Variants in C1orf87 observed in about 807,000 individuals in gnomAD.
C1orf87 encodes the protein uncharacterized protein C1orf87.
A neutral mutation model predicts 60.5 loss-of-function variants in C1orf87; 58 were observed. The observed-to-expected ratio is 0.96, with a 90% CI of 0.78 to 1.19. The LOEUF is 1.19. Among genes scored for constraint, C1orf87 ranks in the 50% most tolerant of loss-of-function variants. The pLI, the probability that C1orf87 is intolerant of heterozygous loss-of-function variation, is 0.00. For synonymous variants in C1orf87, 236 were observed against 227.4 expected, an observed-to-expected ratio of 1.04 and a Z score of -0.34; for missense variants, 673 against 638.6, an observed-to-expected ratio of 1.05 and a Z score of -0.58.
intron 11 of C1orf87, among the ~76,000 whole-genome samples, chr1:59,993,967 C>A (rs1161500819): frequency 1.3e-5 from 2 of 152,028 alleles, no homozygotes; most frequent in Non-Finnish European, 2.9e-5. Flanking sequence ...CCATGTTGGC[C>A]AGGCTGGTCT....
At chr1:59,993,317 A>T (rs1408175520) in intron 11 of C1orf87, among the ~76,000 whole-genome samples, 2 of 152,162 alleles carry the variant, frequency 1.3e-5, no homozygotes, top group Admixed American at 6.5e-5. Context: ...AGAGGTAATT[A>T]AATTGTGTGA....
chr1:60,026,857 CG>C (rs1056173668), intron 7 of C1orf87, among the ~76,000 whole-genome samples: 2 of 152,136 alleles, frequency 1.3e-5, no homozygotes, highest in African/African-American at 4.8e-5. Flanking sequence ...ACACAAACCT[CG>C]TTTCATGCAC....
chr1:60,072,239 G>A (rs554885836), intron 2 of C1orf87, among the ~76,000 whole-genome samples: 7 of 152,254 alleles, frequency 4.6e-5, no homozygotes, highest in African/African-American at 1.7e-4. Context: ...TTACAAGCCC[G>A]ATGAGAAAAG....
At chr1:60,043,162 GGAGA>G (rs1645339119) in intron 3 of C1orf87, among the ~76,000 whole-genome samples, 1 of 152,152 alleles carries the variant, frequency 6.6e-6, no homozygotes, top group African/African-American at 2.4e-5. Context: ...AGATAAGCCT[GGAGA>G]GAGAGAGGCA....
intron 8 of C1orf87, among the ~76,000 whole-genome samples, chr1:60,025,045 A>G (rs1057362426): frequency 2.6e-5 from 4 of 152,218 alleles, no homozygotes; most frequent in Admixed American, 2.6e-4. Flanking sequence ...CAGAGGACAG[A>G]ATGAATAAAA....
chr1:60,068,967 T>C (rs1645566667), intron 2 of C1orf87, among the ~76,000 whole-genome samples: 2 of 152,214 alleles, frequency 1.3e-5, no homozygotes. Flanking sequence ...ATTATCTTTC[T>C]AGATTTTTAT....
chr1:60,021,472 C>G (rs887096005), intron 8 of C1orf87, among the ~76,000 whole-genome samples: 1 of 152,168 alleles, frequency 6.6e-6, no homozygotes, highest in Non-Finnish European at 1.5e-5. Context: ...GGAAGGCCTT[C>G]TTCAAGTTGC....
chr1:60,033,561 G>A lies in C1orf87; in HGVS notation c.944C>T (p.Thr315Ile), dbSNP rs1574311849. ...ATTGTCTATGTTGAGTCTGCCATTG[G>A]TTGTCCTTAGTGCCATCTTCAAAAT... is the stretch of plus-strand genomic sequence containing the variant. ...LEILKMALRT[T>I]NGRLNIDNLN... Residue 315 changes from threonine to isoleucine, a missense_variant, in exon 7 of 12, where the codon ACC (threonine) becomes ATC (isoleucine). Physicochemically the swap from Thr to Ile is moderately conservative, Grantham distance 89. Coordinates refer to ENST00000371201, the MANE Select transcript of C1orf87 (RefSeq NM_152377.3). 1 of 1,613,746 alleles carries A rather than the reference G, an allele frequency of 6.2e-7. No homozygotes were observed. The highest frequency in any genetic ancestry group is 2.2e-5 in the East Asian group (1 of 44,884).
At chr1:60,057,675 C>T (rs886973972) in intron 2 of C1orf87, among the ~76,000 whole-genome samples, 10 of 152,088 alleles carry the variant, frequency 6.6e-5, no homozygotes, top group Non-Finnish European at 7.4e-5. Context: ...CATTTGATGA[C>T]AAGATGTTGA....
rs199769102 is a variant in C1orf87 at position 59,997,646 on chromosome 1, C to T, written c.1443G>A (p.Leu481=). 12 of 1,613,890 alleles carry T rather than the reference C, an allele frequency of 7.4e-6. No individual in the cohort carries two copies. In the Admixed American group the frequency reaches 1.5e-4, roughly 20 times the overall value. The change falls in exon 11 of 12, where the codon CTG becomes CTA. Residue 481 remains leucine (L), a synonymous_variant. Transcript: ENST00000371201. ...GATCACACAGGTAGAGGGCATTTTCCAGCTTCCTGAACCTGTCTATCCACG... is the reference window on the plus strand; with the variant it reads ...GATCACACAGGTAGAGGGCATTTTCTAGCTTCCTGAACCTGTCTATCCACG... The part of the protein sequence containing the change: ...CETWIDRFRK[L]ENALYLCDLS...
Position 60,027,132 on chromosome 1 carries a change from C to A in C1orf87, c.1030-1634G>T, listed in dbSNP as rs1645203888. Among the ~76,000 whole-genome samples, 3 of 152,270 alleles carry A rather than the reference C, an allele frequency of 2.0e-5. No individual in the cohort carries two copies. In the South Asian group the frequency reaches 6.2e-4, roughly 32 times the overall value. On this transcript the variant is annotated intron_variant, in intron 7 of 11. Transcript: ENST00000371201. ...AGCTCAGTCTAGTGCCTGTATTAAG[C>A]CTATCTTTTTATATTGATACTTCAG... is the stretch of plus-strand genomic sequence containing the variant.
chr1:60,022,043 G>A (rs1202662545), intron 8 of C1orf87, among the ~76,000 whole-genome samples: 1 of 151,466 alleles, frequency 6.6e-6, no homozygotes, highest in Non-Finnish European at 1.5e-5. Flanking sequence ...AACTGGAACA[G>A]ATTAGGGAAA....
intron 2 of C1orf87, among the ~76,000 whole-genome samples, chr1:60,066,359 C>A (rs1346989807): frequency 6.6e-6 from 1 of 152,174 alleles, no homozygotes; most frequent in Admixed American, 6.5e-5. Context: ...ATATGATATT[C>A]TAAATCCTTT....
chr1:60,064,640 G>T (rs3064425), intron 2 of C1orf87, among the ~76,000 whole-genome samples: 63,638 of 102,790 alleles, frequency 0.62, 19,495 homozygotes, highest in South Asian at 0.76. Context: ...AAATATATAT[G>T]ATATATTTTA....
intron 2 of C1orf87, among the ~76,000 whole-genome samples, chr1:60,068,774 G>T (rs1645565442): frequency 1.3e-5 from 2 of 152,154 alleles, no homozygotes; most frequent in South Asian, 4.1e-4. Context: ...TACAGTTTTG[G>T]CAGGGATTGT....
chr1:60,052,792 A>G (rs1645423475), intron 3 of C1orf87, among the ~76,000 whole-genome samples: 1 of 152,164 alleles, frequency 6.6e-6, no homozygotes, highest in South Asian at 2.1e-4. Context: ...TGCTTTTGTA[A>G]CTGCGGCAGG....
chr1:60,026,706 A>C (rs984857832), intron 7 of C1orf87, among the ~76,000 whole-genome samples: 2 of 152,220 alleles, frequency 1.3e-5, no homozygotes, highest in African/African-American at 4.8e-5. Context: ...ATATATAAGT[A>C]AATAATAGCA....
intron 9 of C1orf87, among the ~76,000 whole-genome samples, chr1:60,009,568 C>T (rs1446501344): frequency 6.6e-6 from 1 of 151,846 alleles, no homozygotes; most frequent in African/African-American, 2.4e-5. Flanking sequence ...GCTTGAAATA[C>T]CTAGTAAAGT....
At chr1:60,047,512 C>T (rs1645381253) in intron 3 of C1orf87, among the ~76,000 whole-genome samples, 1 of 152,102 alleles carries the variant, frequency 6.6e-6, no homozygotes, top group East Asian at 1.9e-4. Context: ...GTGGAATCAG[C>T]TCTTGGAATT....
Sources: gnomAD v4.1 joint callset for allele counts (sites outside exome capture counted in the v4.1 genomes callset) on GRCh38, gnomAD v4.1.1 for gene constraint, MANE v1.5 for transcripts, NCBI Gene and HGNC (gene_info 2026-07-23, HGNC 2026-07-21) for gene names.